FAM151B: variants seen among roughly 807,000 people sequenced by gnomAD.
The protein encoded by FAM151B is family with sequence similarity 151 member B.
A neutral mutation model predicts 31.2 loss-of-function variants in FAM151B; 24 were observed. The observed-to-expected ratio is 0.77, with a 90% CI of 0.56 to 1.08. The LOEUF (loss-of-function observed/expected upper bound fraction) is 1.08, where lower values mean the gene tolerates loss of function less well. Among genes scored for constraint, FAM151B ranks in the 50% least tolerant of loss-of-function variants. The probability of loss-of-function intolerance (pLI) is 0.00; values close to 1 mark genes in which losing one functional copy is unlikely to be tolerated. For synonymous variants in FAM151B, 105 were observed against 111.4 expected (o/e 0.94, Z 0.36); for missense variants, 293 against 328.6 (o/e 0.89, Z 0.84).
At chr5:80,509,797 C>T (rs1368190661) in intron 2 of FAM151B, among the ~76,000 whole-genome samples, 1 of 152,240 alleles carries the variant, frequency 6.6e-6, no homozygotes, top group Non-Finnish European at 1.5e-5. Flanking sequence ...TTGCCACTTT[C>T]ACCATTTCCC....
chr5:80,512,789 A>G (rs1744241880), intron 2 of FAM151B, among the ~76,000 whole-genome samples: 1 of 151,816 alleles, frequency 6.6e-6, no homozygotes, highest in Non-Finnish European at 1.5e-5. Context: ...CTAAAAAAAA[A>G]AAAAAAGAAA....
intron 5 of FAM151B, among the ~76,000 whole-genome samples, chr5:80,538,467 T>TC (rs1561383750): frequency 3.6e-4 from 46 of 126,270 alleles, no homozygotes; most frequent in African/African-American, 1.3e-3. Flanking sequence ...TCTTTCTTTC[T>TC]TTCTTTCTTT....
At chr5:80,538,386 TTC>T (rs1434146083) in intron 5 of FAM151B, among the ~76,000 whole-genome samples, 2 of 45,434 alleles carry the variant, frequency 4.4e-5, no homozygotes, top group African/African-American at 1.2e-4. Flanking sequence ...CTTTCTTTCT[TTC>T]TTTCTTTCTT....
intron 5 of FAM151B, among the ~76,000 whole-genome samples, chr5:80,540,488 C>T (rs527426406): frequency 6.6e-6 from 1 of 151,958 alleles, no homozygotes; most frequent in Admixed American, 6.5e-5. Flanking sequence ...AATGTTTTTC[C>T]ATTCATTGAT....
Position 80,501,904 on chromosome 5 carries a change from TGAG to T in FAM151B, c.140_142del (p.Glu47del). 1 of 1,601,380 alleles carries T rather than the reference TGAG, an allele frequency of 6.2e-7. No individual in the cohort carries two copies. The highest frequency in any genetic ancestry group is 8.5e-7 in the Non-Finnish European group (1 of 1,172,834). On this transcript the variant is annotated inframe_deletion, in exon 2 of 6. Transcript: ENST00000282226. ...CAGCTAACCACAAGGCACAAACAAA[TGAG>T]GCACTGAAAAGTAAGTCAGTACAGT...
chr5:80,494,456 T>TTTTCTTTCTTTC lies in FAM151B; in HGVS notation c.25+6368_25+6379dup, dbSNP rs3043120. On this transcript the variant is annotated intron_variant, in intron 1 of 5. Coordinates refer to ENST00000282226, the MANE Select transcript of FAM151B (RefSeq NM_205548.3). ...GTCTTTCTTTCTTTTTCTTTCTTTC[T>TTTTCTTTCTTTC]TTTCTTTCTTTCTTTCTTTCTTTCT... is the stretch of plus-strand genomic sequence containing the variant. 3.6e-4 allele frequency among the ~76,000 whole-genome samples: 30 copies of TTTTCTTTCTTTC among 82,744 alleles called. 2 individuals carry two copies. Among genetic ancestry groups the TTTTCTTTCTTTC allele is most frequent in the East Asian group, 1.9e-3 (5 of 2,672 alleles). 54.3% of individuals were successfully genotyped at this position (82,744 alleles called of 152,430 possible).
At chr5:80,492,716 G>T in intron 1 of FAM151B, among the ~76,000 whole-genome samples, 1 of 152,196 alleles carries the variant, frequency 6.6e-6, no homozygotes, top group East Asian at 1.9e-4. Context: ...ACTTTGGGAG[G>T]CTGAGGTGGG....
At chr5:80,488,766 C>T (rs1318972999) in intron 1 of FAM151B, among the ~76,000 whole-genome samples, 2 of 152,180 alleles carry the variant, frequency 1.3e-5, no homozygotes, top group East Asian at 1.9e-4. Flanking sequence ...AAATAATACA[C>T]GCTTTCACCA....
chr5:80,509,977 C>T (rs899406370), intron 2 of FAM151B, among the ~76,000 whole-genome samples: 3 of 152,198 alleles, frequency 2.0e-5, no homozygotes, highest in Non-Finnish European at 4.4e-5. Context: ...TTCCAGCTTC[C>T]ATGAACAGTT....
intron 5 of FAM151B, among the ~76,000 whole-genome samples, chr5:80,527,164 T>G (rs1745008065): frequency 1.3e-5 from 2 of 152,220 alleles, no homozygotes; most frequent in Non-Finnish European, 2.9e-5. Flanking sequence ...GGCTCAGGCC[T>G]GTAATCTCAG....
intron 1 of FAM151B, among the ~76,000 whole-genome samples, chr5:80,493,971 C>G (rs1332493484): frequency 6.6e-6 from 1 of 152,142 alleles, no homozygotes; most frequent in African/African-American, 2.4e-5. Context: ...CATCACGGTC[C>G]TACCAATATG....
chr5:80,537,337 C>T (rs1318601718), intron 5 of FAM151B, among the ~76,000 whole-genome samples: 1 of 152,164 alleles, frequency 6.6e-6, no homozygotes, highest in African/African-American at 2.4e-5. Flanking sequence ...TACTTTTCCT[C>T]GTAGGAGAGT....
At chr5:80,519,438 C>A (rs998071254) in intron 3 of FAM151B, among the ~76,000 whole-genome samples, 2 of 152,118 alleles carry the variant, frequency 1.3e-5, no homozygotes, top group African/African-American at 4.8e-5. Flanking sequence ...CTATTTTGTC[C>A]ACAAGTAGTA....
intron 5 of FAM151B, among the ~76,000 whole-genome samples, chr5:80,525,961 G>GGT (rs1744944966): frequency 6.6e-6 from 1 of 150,978 alleles, no homozygotes; most frequent in Non-Finnish European, 1.5e-5. Flanking sequence ...TTTTATACTA[G>GGT]GTGTGTATAT....
chr5:80,497,983 G>A (rs1397835122), intron 1 of FAM151B, among the ~76,000 whole-genome samples: 4 of 152,090 alleles, frequency 2.6e-5, no homozygotes, highest in Non-Finnish European at 5.9e-5. Context: ...TATCCAATAT[G>A]AACCATTAAC....
chr5:80,488,108 G>A lies in FAM151B; in HGVS notation c.-16G>A. 1 of 1,540,434 alleles carries A rather than the reference G, an allele frequency of 6.5e-7. No homozygotes were observed. Among genetic ancestry groups the A allele is most frequent in the Non-Finnish European group, 8.7e-7 (1 of 1,146,756 alleles). ...CGCCAGCCTGGGCGCCTGCGCGGAC[G>A]GCGGGCGTCGTCACCATGGCAGCAT... On this transcript the variant is annotated 5_prime_UTR_variant, in exon 1 of 6. Coordinates refer to ENST00000282226, the MANE Select transcript of FAM151B (RefSeq NM_205548.3).
chr5:80,538,348 T>G (rs1745618096), intron 5 of FAM151B, among the ~76,000 whole-genome samples: 1 of 151,908 alleles, frequency 6.6e-6, no homozygotes, highest in Non-Finnish European at 1.5e-5. Flanking sequence ...ATTACAGGCA[T>G]GAGCCACCGC....
chr5:80,530,280 T>C (rs1745173649), intron 5 of FAM151B, among the ~76,000 whole-genome samples: 2 of 152,196 alleles, frequency 1.3e-5, no homozygotes, highest in Admixed American at 6.5e-5. Flanking sequence ...GCCAATATCA[T>C]ACTGAATGGG....
chr5:80,501,606 T>C (rs1743750949), intron 1 of FAM151B, among the ~76,000 whole-genome samples, 186 bp from the exon 2 acceptor site: 1 of 151,944 alleles, frequency 6.6e-6, no homozygotes, highest in African/African-American at 2.4e-5. Flanking sequence ...AGAAAACAGA[T>C]ATGTGAGATG....
Sources: gnomAD v4.1 joint callset for allele counts (sites outside exome capture counted in the v4.1 genomes callset) on GRCh38, gnomAD v4.1.1 for gene constraint, MANE v1.5 for transcripts, NCBI Gene and HGNC (gene_info 2026-07-23, HGNC 2026-07-21) for gene names.